Variants in GSTA5 observed in about 807,000 individuals in gnomAD.
The protein encoded by GSTA5 is glutathione S-transferase A5.
Under a neutral mutation model 21.8 loss-of-function variants are expected in GSTA5, and 25 were observed. The ratio of observed to expected loss-of-function variants is 1.14; its 90% CI spans 0.83 to 1.60. GSTA5 has a LOEUF of 1.60. GSTA5 is among the 40% of genes most tolerant of loss of function. The probability of loss-of-function intolerance (pLI) is 0.00; values close to 1 mark genes in which losing one functional copy is unlikely to be tolerated. For synonymous variants in GSTA5, 102 were observed against 89.5 expected, an observed-to-expected ratio of 1.14 and a Z score of -0.78; for missense variants, 330 against 259.2, an observed-to-expected ratio of 1.27 and a Z score of -1.88.
At chr6:52,843,977 C>A (rs1377767289), upstream of GSTA5, among the ~76,000 whole-genome samples, 1 of 152,018 alleles carries the variant, frequency 6.6e-6, no homozygotes, top group Non-Finnish European at 1.5e-5. Flanking sequence ...TACCGTTGAG[C>A]TTTGTTCAGT....
intron 1 of GSTA5, among the ~76,000 whole-genome samples, chr6:52,838,684 T>A (rs1764325593): frequency 6.6e-6 from 1 of 152,184 alleles, no homozygotes; most frequent in South Asian, 2.1e-4. Flanking sequence ...ATAGGCAGAA[T>A]CTATCAAACC....
At chr6:52,841,650 T>G (rs934614120), upstream of GSTA5, among the ~76,000 whole-genome samples, 8 of 152,374 alleles carry the variant, frequency 5.3e-5, no homozygotes, top group Non-Finnish European at 1.0e-4. Context: ...TTGCAGGATA[T>G]GGAAGGAGCT....
upstream of GSTA5, chr6:52,840,886 G>T (rs192182485): frequency 3.0e-4 from 425 of 1,396,108 alleles, 5 homozygotes; most frequent in East Asian, 8.6e-3. Context: ...AATCAAAAAT[G>T]TACTTTAGGA....
At chr6:52,834,330 T>G in intron 3 of GSTA5, 48 bp from the exon 4 acceptor site, 1 of 1,558,846 alleles carries the variant, frequency 6.4e-7, no homozygotes, top group Non-Finnish European at 8.7e-7. Context: ...TGCCTTAGAT[T>G]TTATAGGTTT....
chr6:52,835,875 T>C (rs1326352976), intron 3 of GSTA5, among the ~76,000 whole-genome samples: 1 of 152,168 alleles, frequency 6.6e-6, no homozygotes, highest in Non-Finnish European at 1.5e-5. Context: ...ATCTACAGAC[T>C]CTCAGACATT....
At chr6:52,840,662 T>C in intron 1 of GSTA5, 65 bp downstream of exon 1, 2 of 1,392,514 alleles carry the variant, frequency 1.4e-6, no homozygotes, top group Non-Finnish European at 2.0e-6. Flanking sequence ...GCATAGTTTC[T>C]GTGGGAAAAG....
intron 5 of GSTA5, 35 bp from the exon 6 acceptor site, chr6:52,832,005 C>T (rs1764223342): frequency 1.3e-6 from 2 of 1,584,972 alleles, no homozygotes; most frequent in South Asian, 2.4e-5. Context: ...AGAGTGAAGC[C>T]AAGGCCGGCC....
At position 52,836,390 on chromosome 6, in the gene GSTA5, G is replaced by A. The variant is rs1396430118; in HGVS notation, c.140-22C>T. On this transcript the variant is annotated intron_variant, in intron 2 of 5. Transcript: ENST00000370989. Reference sequence around the variant, plus strand: ...CCATCTTAGAAAGAAGAAAAAAAAAGGAGTATGAAGTGTCTATGAAACCCA... The same window carrying A: ...CCATCTTAGAAAGAAGAAAAAAAAAAGAGTATGAAGTGTCTATGAAACCCA... 9 of 1,608,992 alleles carry A rather than the reference G, an allele frequency of 5.6e-6. No homozygotes were observed. The African/African-American group carries it at 8.0e-5, about 14-fold the overall frequency.
chr6:52,835,068 G>T (rs933292469), intron 3 of GSTA5, among the ~76,000 whole-genome samples: 2 of 152,128 alleles, frequency 1.3e-5, no homozygotes, highest in Non-Finnish European at 2.9e-5. Flanking sequence ...GTGGTTTTTG[G>T]TGGATTCACA....
rs200400943 is a variant in GSTA5, at chr6:52,832,019, A to G, written c.547-49T>C. 5.4e-5 allele frequency: 85 copies of G among 1,573,866 alleles called. 1 individual carries two copies. In the East Asian group the frequency reaches 1.3e-3, roughly 24 times the overall value. ...CAGAGTGAAGCCAAGGCCGGCCACC[A>G]TCATTAAGATGACCCAGGGAATGTG... On this transcript the variant is annotated intron_variant, in intron 5 of 5. Coordinates refer to ENST00000370989, the Ensembl canonical transcript of GSTA5.
chr6:52,844,801 T>C (rs149873098), upstream of GSTA5, among the ~76,000 whole-genome samples: 24 of 152,314 alleles, frequency 1.6e-4, no homozygotes, highest in East Asian at 4.0e-3. Flanking sequence ...TCCCAGTGCT[T>C]GGAAGATGGG....
At chr6:52,844,208 G>C (rs1369998741), upstream of GSTA5, among the ~76,000 whole-genome samples, 1 of 152,184 alleles carries the variant, frequency 6.6e-6, no homozygotes, top group East Asian at 1.9e-4. Flanking sequence ...AACTCCTTCT[G>C]ATTGCAGGAC....
Position 52,836,224 on chromosome 6 carries a change from A to G in GSTA5, c.272+12T>C, listed in dbSNP as rs759196849. 6.8e-6 allele frequency: 11 copies of G among 1,611,984 alleles called. No individual in the cohort carries two copies. The highest frequency in any genetic ancestry group is 9.3e-6 in the Non-Finnish European group (11 of 1,179,408). ...GTTCTCTGTGGATGGAAGAACAGAA[A>G]ATATACCATACAGGGCTCTCTCCTT... On this transcript the variant is annotated intron_variant, in intron 3 of 5. Coordinates refer to ENST00000370989, the Ensembl canonical transcript of GSTA5.
At chr6:52,840,748 G>A (rs1351189097) in exon 1 of GSTA5, 4 of 1,614,064 alleles carry the variant, frequency 2.5e-6, no homozygotes, top group Non-Finnish European at 3.4e-6. Flanking sequence ...CTGCAGCCAG[G>A]AGCCACCGAA....
At chr6:52,840,770 C>A in exon 1 of GSTA5, 1 of 1,614,170 alleles carries the variant, frequency 6.2e-7, no homozygotes, top group Non-Finnish European at 8.5e-7. Context: ...GGACTCCATA[C>A]TGCCCCGTGC....
rs139752798 is a variant in GSTA5 at position 52,835,361 on chromosome 6, T to C, written c.272+875A>G. ...TGCATTGGTACTTCATTCCTTTTCA[T>C]GACCAAATATCTTTCCATTGCATGG... On this transcript the variant is annotated intron_variant, in intron 3 of 5. Coordinates refer to ENST00000370989, the Ensembl canonical transcript of GSTA5. 5.1e-3 allele frequency among the ~76,000 whole-genome samples: 783 copies of C among 152,368 alleles called. 5 individuals carry two copies. The highest frequency in any genetic ancestry group is 0.018 in the African/African-American group (731 of 41,572).
intron 1 of GSTA5, among the ~76,000 whole-genome samples, chr6:52,838,578 C>G (rs112739747): frequency 1.3e-3 from 196 of 152,330 alleles, no homozygotes; most frequent in African/African-American, 4.5e-3. Flanking sequence ...CAGCCAGCAA[C>G]AAGGCTGTCT....
intron 1 of GSTA5, among the ~76,000 whole-genome samples, chr6:52,838,618 A>C (rs889633942): frequency 6.6e-6 from 1 of 152,256 alleles, no homozygotes; most frequent in Non-Finnish European, 1.5e-5. Context: ...GAGTGGTTGC[A>C]GGTATTTAAT....
intron 2 of GSTA5, among the ~76,000 whole-genome samples, chr6:52,837,154 C>A (rs1438029460): frequency 2.0e-5 from 3 of 152,112 alleles, no homozygotes; most frequent in Admixed American, 1.3e-4. Flanking sequence ...TTTGTCACGC[C>A]CCCCCATGAA....
Sources: gnomAD v4.1 joint callset for allele counts (sites outside exome capture counted in the v4.1 genomes callset) on GRCh38, gnomAD v4.1.1 for gene constraint, MANE v1.5 for transcripts, NCBI Gene and HGNC (gene_info 2026-07-23, HGNC 2026-07-21) for gene names.